The following MAPKAP1 variants were observed in gnomAD, a reference collection of about 807,000 sequenced individuals.
MAPKAP1 encodes MAPK associated protein 1, also known as target of rapamycin complex 2 subunit MAPKAP1.
MAPKAP1 carries 20 observed loss-of-function variants against 65.7 expected under a neutral mutation model. The observed-to-expected ratio is 0.30, with a 90% CI of 0.21 to 0.44. The LOEUF is 0.44. Ranked by LOEUF, MAPKAP1 falls within the 20% of genes least tolerant of loss-of-function variation. The pLI is 1.00. For missense variants in MAPKAP1, 423 were observed against 648.0 expected (o/e 0.65, Z 3.77); for synonymous variants, 222 against 244.3 (o/e 0.91, Z 0.85).
At chr9:125,663,939 A>G (rs2131775109) in intron 3 of MAPKAP1, among the ~76,000 whole-genome samples, 1 of 152,362 alleles carries the variant, frequency 6.6e-6, no homozygotes, top group Admixed American at 6.5e-5. Flanking sequence ...GCTTTATGAA[A>G]AAGCACACAC....
At chr9:125,612,997 C>T (rs929077228) in intron 4 of MAPKAP1, among the ~76,000 whole-genome samples, 1 of 152,188 alleles carries the variant, frequency 6.6e-6, no homozygotes, top group Non-Finnish European at 1.5e-5. Context: ...GGCCCTCAGA[C>T]ATAAGGATCT....
chr9:125,637,329 C>T (rs1833453089), intron 4 of MAPKAP1, among the ~76,000 whole-genome samples: 1 of 151,484 alleles, frequency 6.6e-6, no homozygotes, highest in Non-Finnish European at 1.5e-5. Flanking sequence ...TGCACAAGCG[C>T]AGAAGGAATG....
At chr9:125,570,505 T>C (rs1831195759) in intron 5 of MAPKAP1, among the ~76,000 whole-genome samples, 1 of 152,214 alleles carries the variant, frequency 6.6e-6, no homozygotes, top group African/African-American at 2.4e-5. Context: ...TCCTAGTGTA[T>C]CTAGGAGCAG....
At chr9:125,533,228 T>A (rs1389371494) in intron 7 of MAPKAP1, among the ~76,000 whole-genome samples, 1 of 152,272 alleles carries the variant, frequency 6.6e-6, no homozygotes, top group Middle Eastern at 3.4e-3. Context: ...AAAATAGTCG[T>A]GACTGACCAA....
At chr9:125,544,667 T>C (rs775878243) in intron 6 of MAPKAP1, among the ~76,000 whole-genome samples, 7 of 152,208 alleles carry the variant, frequency 4.6e-5, no homozygotes, top group Non-Finnish European at 5.9e-5. Flanking sequence ...TTTCCAACTA[T>C]GGAACATGGG....
chr9:125,618,969 A>G (rs1443066361), intron 4 of MAPKAP1, among the ~76,000 whole-genome samples: 1 of 152,072 alleles, frequency 6.6e-6, no homozygotes, highest in Non-Finnish European at 1.5e-5. Flanking sequence ...CTATCTCTAC[A>G]AAAATTTTTT....
At chr9:125,481,077 T>C (rs1854299510) in intron 9 of MAPKAP1, among the ~76,000 whole-genome samples, 1 of 150,396 alleles carries the variant, frequency 6.6e-6, no homozygotes, top group Non-Finnish European at 1.5e-5. Flanking sequence ...TCATACATGG[T>C]GAAAACTAAG....
intron 5 of MAPKAP1, chr9:125,565,257 C>T (rs1831015109): frequency 6.6e-6 from 1 of 152,168 alleles, no homozygotes; most frequent in African/African-American, 2.4e-5. Flanking sequence ...CACAAAGCGA[C>T]AGAAGCCTGT....
Position 125,447,560 on chromosome 9 carries a change from G to A in MAPKAP1, c.1346-2962C>T. The A allele has an allele frequency of 2.2e-6, 1 of 444,968 alleles. No individual in the cohort carries two copies. The highest frequency in any genetic ancestry group is 1.6e-5 in the South Asian group (1 of 63,852). 27.6% of individuals were successfully genotyped at this position (444,968 alleles called of 1,614,324 possible). On this transcript the variant is annotated intron_variant, in intron 10 of 11. Coordinates refer to ENST00000265960, the MANE Select transcript of MAPKAP1 (RefSeq NM_001006617.3). The surrounding 1 kb of genome is among the most constrained non-coding windows in gnomAD (Gnocchi z 4.5). Reference sequence around the variant, plus strand: ...GACATGGGGCGGACTCACTCCGCGGGCGTTTCTGCCCCGAGTTCCCCTCGC... The same window carrying A: ...GACATGGGGCGGACTCACTCCGCGGACGTTTCTGCCCCGAGTTCCCCTCGC...
intron 4 of MAPKAP1, among the ~76,000 whole-genome samples, chr9:125,613,559 A>G (rs964330030): frequency 3.9e-5 from 6 of 152,188 alleles, no homozygotes; most frequent in African/African-American, 1.4e-4. Flanking sequence ...ACTGCATCAC[A>G]GTCCCAACTC....
chr9:125,679,508 C>T (rs193121125), intron 1 of MAPKAP1, among the ~76,000 whole-genome samples: 1 of 152,042 alleles, frequency 6.6e-6, no homozygotes, highest in East Asian at 1.9e-4. Flanking sequence ...ATAAAAGTCA[C>T]AAAATTTCAC....
intron 1 of MAPKAP1, among the ~76,000 whole-genome samples, chr9:125,705,852 A>G (rs1489358849): frequency 6.6e-6 from 1 of 152,226 alleles, no homozygotes; most frequent in African/African-American, 2.4e-5. Context: ...AGGAAAGAAC[A>G]AAAATGATTA....
chr9:125,523,635 G>A (rs1829681085), intron 7 of MAPKAP1, among the ~76,000 whole-genome samples: 2 of 152,230 alleles, frequency 1.3e-5, no homozygotes, highest in South Asian at 2.1e-4. Context: ...GAAAAAAGCT[G>A]TGTGAATTTA....
chr9:125,537,501 A>G (rs1830107198), intron 7 of MAPKAP1, among the ~76,000 whole-genome samples: 1 of 152,070 alleles, frequency 6.6e-6, no homozygotes, highest in Non-Finnish European at 1.5e-5. Flanking sequence ...CCCCCTCCCA[A>G]TACAGAGTCT....
At chr9:125,695,734 CT>C (rs112626289) in intron 1 of MAPKAP1, among the ~76,000 whole-genome samples, 3,121 of 146,694 alleles carry the variant, frequency 0.021, 38 homozygotes, top group South Asian at 0.041. Context: ...TCTTTTCTTT[CT>C]TTTTTTTTTT....
At chr9:125,693,710 CATATAT>C (rs367932121) in intron 1 of MAPKAP1, among the ~76,000 whole-genome samples, 41,375 of 129,956 alleles carry the variant, frequency 0.32, 7,803 homozygotes, top group Non-Finnish European at 0.39. Flanking sequence ...TATATATACA[CATATAT>C]ACACGTATAT....
chr9:125,705,767 C>T (rs547579910), intron 1 of MAPKAP1, among the ~76,000 whole-genome samples: 7 of 152,130 alleles, frequency 4.6e-5, no homozygotes, highest in African/African-American at 1.7e-4. Context: ...CCGTGGGAAG[C>T]GTCTCAATAG....
At chr9:125,482,148 A>AAAAG (rs60516268) in intron 9 of MAPKAP1, among the ~76,000 whole-genome samples, 47 of 116,990 alleles carry the variant, frequency 4.0e-4, no homozygotes, top group East Asian at 2.9e-3. Context: ...AAAAAAAAAA[A>AAAAG]AAGAAGAAGA....
intron 4 of MAPKAP1, among the ~76,000 whole-genome samples, chr9:125,597,120 C>G (rs892093960): frequency 2.0e-5 from 3 of 151,842 alleles, no homozygotes; most frequent in Non-Finnish European, 4.4e-5. Flanking sequence ...AAAAAATTAG[C>G]CGGGCGTGGT....
Sources: gnomAD v4.1 joint callset for allele counts (sites outside exome capture counted in the v4.1 genomes callset) on GRCh38, gnomAD v4.1.1 for gene constraint, Gnocchi (gnomAD v3.1) non-coding constraint, MANE v1.5 for transcripts, NCBI Gene and HGNC (gene_info 2026-07-23, HGNC 2026-07-21) for gene names.